The following ARMH3 variants were observed in gnomAD, a reference collection of about 807,000 sequenced individuals.
The protein encoded by ARMH3 is armadillo like helical domain containing 3, also known as armadillo-like helical domain-containing protein 3.
ARMH3 carries 60 observed loss-of-function variants against 99.1 expected under a neutral mutation model. The observed-to-expected ratio is 0.61, with a 90% CI of 0.49 to 0.75. The LOEUF is 0.75. ARMH3 is among the 30% of genes least tolerant of loss of function. The probability of loss-of-function intolerance (pLI) is 0.00; values close to 1 mark genes in which losing one functional copy is unlikely to be tolerated. For missense variants in ARMH3, 679 were observed against 843.1 expected (o/e 0.81, Z 2.41); for synonymous variants, 285 against 292.8 (o/e 0.97, Z 0.27).
intron 24 of ARMH3, among the ~76,000 whole-genome samples, chr10:101,861,669 G>T (rs2066872024): frequency 6.8e-6 from 1 of 147,432 alleles, no homozygotes; most frequent in Non-Finnish European, 1.5e-5. Context: ...GGCAGAGGTT[G>T]CAGTGAGCCA....
intron 22 of ARMH3, among the ~76,000 whole-genome samples, chr10:101,947,796 AAAAT>A (rs56657656): frequency 0.014 from 1,983 of 145,332 alleles, 31 homozygotes; most frequent in African/African-American, 0.033. Flanking sequence ...GCGAAACTCA[AAAAT>A]AAATAAATAA....
rs1167005392 is a variant in ARMH3, at chr10:101,975,116, CA to C, written c.1495+95del. 3.5e-5 allele frequency: 19 copies of C among 537,262 alleles called. No homozygotes were observed. The African/African-American group carries it at 4.1e-4, about 12-fold the overall frequency. The allele number at this position is 537,262 out of a possible 1,614,324, so 33.3% of individuals were successfully genotyped here. ...GAAAATAAAGGCAACCTAAACAAAC[CA>C]AAAGGTTAAAAAACAAAAAATCCAC... On this transcript the variant is annotated intron_variant, in intron 20 of 25. Coordinates refer to ENST00000370033, the MANE Select transcript of ARMH3 (RefSeq NM_024541.3).
At chr10:101,862,048 C>CAAAAA (rs34359012) in intron 24 of ARMH3, among the ~76,000 whole-genome samples, 17 of 36,314 alleles carry the variant, frequency 4.7e-4, no homozygotes, top group Admixed American at 7.8e-4. Flanking sequence ...GATTCCCTCT[C>CAAAAA]AAAAAAAAAA....
intron 10 of ARMH3, among the ~76,000 whole-genome samples, chr10:102,012,308 A>C (rs1043804064): frequency 1.1e-4 from 17 of 152,228 alleles, no homozygotes; most frequent in African/African-American, 3.1e-4. Context: ...CTAATGTCAG[A>C]TCCTTCCAGC....
At chr10:101,955,719 G>C (rs1845000517) in intron 22 of ARMH3, among the ~76,000 whole-genome samples, 1 of 152,174 alleles carries the variant, frequency 6.6e-6, no homozygotes, top group Non-Finnish European at 1.5e-5. Context: ...CAAATCAGTG[G>C]TTGCCCAGGG....
chr10:101,980,220 T>A (rs1164191390), intron 19 of ARMH3, among the ~76,000 whole-genome samples: 4 of 152,102 alleles, frequency 2.6e-5, no homozygotes, highest in Non-Finnish European at 5.9e-5. Context: ...AGCTATAAAG[T>A]TCCTAGAAAA....
At chr10:101,980,376 G>GCAA (rs1209312850) in intron 19 of ARMH3, among the ~76,000 whole-genome samples, 1 of 152,092 alleles carries the variant, frequency 6.6e-6, no homozygotes, top group Non-Finnish European at 1.5e-5. Context: ...TCGGCTCACT[G>GCAA]CAACCTCTGC....
chr10:101,847,653 C>A, intron 25 of ARMH3, 33 bp from the exon 26 acceptor site: 2 of 1,594,862 alleles, frequency 1.3e-6, no homozygotes, highest in Non-Finnish European at 1.7e-6. Context: ...GGTGGGAGGG[C>A]GCAGCCAGAG....
chr10:101,891,823 T>A (rs1195809733), intron 23 of ARMH3, among the ~76,000 whole-genome samples: 1 of 152,160 alleles, frequency 6.6e-6, no homozygotes, highest in Admixed American at 6.6e-5. Context: ...AAATGGGTAG[T>A]GTGGGCTAGG....
At chr10:101,923,804 T>C (rs939752509) in intron 23 of ARMH3, among the ~76,000 whole-genome samples, 12 of 152,206 alleles carry the variant, frequency 7.9e-5, no homozygotes, top group African/African-American at 2.2e-4. Flanking sequence ...TAAACCACCC[T>C]ATGAAGGTTG....
rs2067171154 is a variant in ARMH3, at chr10:102,033,118, T to G, written c.214A>C (p.Met72Leu). 1.9e-6 allele frequency: 3 copies of G among 1,614,216 alleles called. No individual in the cohort carries two copies. Among genetic ancestry groups the G allele is most frequent in the Non-Finnish European group, 2.5e-6 (3 of 1,180,030 alleles). Residue 72 changes from methionine (M) to leucine (L), a missense_variant, in exon 4 of 26, where the codon ATG becomes CTG. Coordinates refer to ENST00000370033, the MANE Select transcript of ARMH3 (RefSeq NM_024541.3). ...KLESLDGEELMKIKDNINCLF... is the reference protein window; with the variant it reads ...KLESLDGEELLKIKDNINCLF... ...CAATTAATATTGTCCTTGATCTTCA[T>G]TAACTCCTCACCATCAAGAGATTCC... is the stretch of plus-strand genomic sequence containing the variant.
intron 24 of ARMH3, among the ~76,000 whole-genome samples, chr10:101,871,112 A>G (rs990462666): frequency 2.6e-5 from 4 of 152,262 alleles, no homozygotes; most frequent in African/African-American, 9.6e-5. Flanking sequence ...TAAAAATGAA[A>G]TATTTAGGGA....
chr10:101,853,857 G>A (rs1211675160), intron 24 of ARMH3, among the ~76,000 whole-genome samples: 1 of 152,228 alleles, frequency 6.6e-6, no homozygotes, highest in Non-Finnish European at 1.5e-5. Flanking sequence ...GCTCATGCCT[G>A]TAATCCCAGC....
At position 102,033,375 on chromosome 10, in the gene ARMH3, G is replaced by T. The variant is rs766619788; in HGVS notation, c.103-36C>A. 2.5e-6 allele frequency: 4 copies of T among 1,593,964 alleles called. No individual in the cohort carries two copies. The South Asian group carries it at 4.5e-5, about 18-fold the overall frequency. On this transcript the variant is annotated intron_variant, in intron 2 of 25. Transcript: ENST00000370033. The stretch of plus-strand genomic sequence containing the variant: ...AATATAAGCACATTCAGCCTTCCCA[G>T]CTAACACCAAAAGCATTAAGAATAC...
chr10:102,045,642 T>G (rs968050407), intron 1 of ARMH3, among the ~76,000 whole-genome samples: 5 of 152,198 alleles, frequency 3.3e-5, no homozygotes, highest in African/African-American at 1.2e-4. Flanking sequence ...AAAGTGGGTC[T>G]TTTGTGTTTG....
At chr10:102,041,908 A>C (rs1004645967) in intron 1 of ARMH3, among the ~76,000 whole-genome samples, 1 of 152,200 alleles carries the variant, frequency 6.6e-6, no homozygotes, top group Non-Finnish European at 1.5e-5. Context: ...TCGGCCTCCC[A>C]AAGTGCTGGG....
At chr10:101,859,818 T>C (rs1466984730) in intron 24 of ARMH3, among the ~76,000 whole-genome samples, 1 of 152,236 alleles carries the variant, frequency 6.6e-6, no homozygotes, top group Non-Finnish European at 1.5e-5. Context: ...ATTAGATTCA[T>C]GAGCTCCAAT....
Position 102,046,044 on chromosome 10 carries a change from G to A in ARMH3, c.-11-5919C>T, listed in dbSNP as rs1045957239. Among the ~76,000 whole-genome samples, 7 of 152,066 alleles carry A rather than the reference G, an allele frequency of 4.6e-5. No homozygotes were observed. In the East Asian group the frequency reaches 5.8e-4, roughly 13 times the overall value. ...CAGGTGGAGGAGGTTACAGTGAGAC[G>A]AGATCGCACCATTGCACTCCAGCCT... On this transcript the variant is annotated intron_variant, in intron 1 of 25. Transcript: ENST00000370033.
intron 22 of ARMH3, among the ~76,000 whole-genome samples, chr10:101,950,846 G>A (rs1844751311): frequency 6.6e-6 from 1 of 152,198 alleles, no homozygotes; most frequent in Non-Finnish European, 1.5e-5. Flanking sequence ...TCCTGTTGGG[G>A]TGATGAAAAT....
Sources: allele counts gnomAD v4.1 joint callset (sites outside exome capture counted in the v4.1 genomes callset), GRCh38; gene constraint gnomAD v4.1.1; transcripts MANE v1.5; gene names NCBI Gene and HGNC (gene_info 2026-07-23, HGNC 2026-07-21).